Variants in SEMA3D observed in about 807,000 individuals in gnomAD.
SEMA3D encodes semaphorin-3D.
A neutral mutation model predicts 100.1 loss-of-function variants in SEMA3D; 84 were observed. The observed-to-expected ratio is 0.84, with a 90% CI of 0.70 to 1.01. The LOEUF is 1.01. Ranked by LOEUF, SEMA3D falls within the 50% of genes least tolerant of loss-of-function variation. The pLI is 0.00. For missense variants in SEMA3D, 875 were observed against 934.1 expected (o/e 0.94, Z 0.82); for synonymous variants, 312 against 320.7 (o/e 0.97, Z 0.29).
chr7:85,123,523 C>A (rs533840252), intron 2 of SEMA3D, among the ~76,000 whole-genome samples: 3 of 152,154 alleles, frequency 2.0e-5, no homozygotes, highest in East Asian at 1.9e-4. Flanking sequence ...CTTTGAATAT[C>A]AAGATTTCAG....
At chr7:85,237,754 A>G in the SEMA3D span, among the ~76,000 whole-genome samples, 1 of 152,226 alleles carries the variant, frequency 6.6e-6, no homozygotes, top group South Asian at 2.1e-4. Context: ...ACATCCATGT[A>G]ATAGCTTTTG....
chr7:85,229,270 TATC>T, the SEMA3D span, among the ~76,000 whole-genome samples: 11 of 152,048 alleles, frequency 7.2e-5, no homozygotes, highest in Non-Finnish European at 1.3e-4. Flanking sequence ...TAGATTCTGA[TATC>T]ATCTCGCTCA....
intron 12 of SEMA3D, among the ~76,000 whole-genome samples, chr7:85,034,107 T>G (rs1216604494): frequency 1.3e-5 from 2 of 152,094 alleles, no homozygotes; most frequent in Non-Finnish European, 2.9e-5. Context: ...TGTCGGTGCC[T>G]GACATTCCTC....
chr7:85,027,847 T>C (rs1639440481), intron 12 of SEMA3D: 8 of 536,906 alleles, frequency 1.5e-5, no homozygotes, highest in South Asian at 9.2e-5. Context: ...TGACCTGCAA[T>C]TGGTATTGAT....
intron 9 of SEMA3D, 68 bp downstream of exon 9, chr7:85,055,649 T>TATATAC: frequency 3.8e-5 from 1 of 26,130 alleles, no homozygotes; most frequent in East Asian, 1.1e-3. Flanking sequence ...CATATACATA[T>TATATAC]ATATATATAT....
intron 1 of SEMA3D, among the ~76,000 whole-genome samples, chr7:85,154,916 G>A (rs1790543052): frequency 6.6e-6 from 1 of 152,100 alleles, no homozygotes; most frequent in South Asian, 2.1e-4. Flanking sequence ...ATTTTTAAAG[G>A]TATTCATTTA....
intron 7 of SEMA3D, among the ~76,000 whole-genome samples, chr7:85,066,872 C>T (rs1791635348): frequency 7.6e-6 from 1 of 130,876 alleles, no homozygotes; most frequent in Non-Finnish European, 1.6e-5. Flanking sequence ...GAATAGCTAA[C>T]TTCTAAAGGA....
Position 85,015,215 on chromosome 7 carries a change from T to C in SEMA3D, c.1547A>G (p.Gln516Arg). ...ATCTCGGGAACCAATGTACAATTGTTGCTGCAAATCGGGCAAAACAAATGA... is the reference window on the plus strand; with the variant it reads ...ATCTCGGGAACCAATGTACAATTGTCGCTGCAAATCGGGCAAAACAAATGA... ...ILNMELSLKQ[Q>R]QLYIGSRDGL... is the part of the protein sequence containing the mutation. Residue 516 changes from glutamine (Q) to arginine (R), a missense_variant and splice_region_variant, in exon 16 of 19, where the codon CAA becomes CGA. By Grantham distance (43) the Gln-to-Arg change is conservative. Coordinates refer to ENST00000284136, the MANE Select transcript of SEMA3D (RefSeq NM_001384900.1). The C allele has an allele frequency of 6.2e-7, 1 of 1,605,568 alleles. No individual in the cohort carries two copies.
rs1789808918 is a variant in SEMA3D, at chr7:85,006,790, A to T, written c.1908+12T>A. On this transcript the variant is annotated intron_variant, in intron 18 of 18. Transcript: ENST00000284136. ...CCCTCAAAGTGAGTATTCTTTGATG[A>T]CAACAGCTTACCTCCTCTCGATGCT... is the stretch of plus-strand genomic sequence containing the variant. 1.3e-6 allele frequency: 2 copies of T among 1,568,814 alleles called. No individual in the cohort carries two copies. Among genetic ancestry groups the T allele is most frequent in the South Asian group, 2.4e-5 (2 of 84,746 alleles).
chr7:85,158,593 C>T (rs1790661341), intron 1 of SEMA3D, among the ~76,000 whole-genome samples: 1 of 152,182 alleles, frequency 6.6e-6, no homozygotes, highest in Non-Finnish European at 1.5e-5. Context: ...TGATCTCACC[C>T]TGACTCTGTT....
At chr7:85,132,468 C>G (rs184930096) in intron 2 of SEMA3D, among the ~76,000 whole-genome samples, 5 of 151,844 alleles carry the variant, frequency 3.3e-5, no homozygotes, top group Non-Finnish European at 5.9e-5. Flanking sequence ...ATATTTGTAG[C>G]ATACCAAGAG....
chr7:85,103,842 A>AATATGC lies in SEMA3D; in HGVS notation c.152-5878_152-5877insGCATAT, dbSNP rs1788821906. Among the ~76,000 whole-genome samples the AATATGC allele has an allele frequency of 4.6e-5, 7 of 152,108 alleles. No homozygotes were observed. In the South Asian group the frequency reaches 1.5e-3, roughly 32 times the overall value. Reference sequence around the variant, plus strand: ...AAATATAGAAATCATTGCATATTACAAATTTTGATGGATGGATGACACAGA... The same window carrying AATATGC: ...AAATATAGAAATCATTGCATATTACAATATGCAATTTTGATGGATGGATGACACAGA... On this transcript the variant is annotated intron_variant, in intron 3 of 18. Coordinates refer to ENST00000284136, the MANE Select transcript of SEMA3D (RefSeq NM_001384900.1).
the SEMA3D span, among the ~76,000 whole-genome samples, chr7:85,197,473 A>G: frequency 0.66 from 97,135 of 147,250 alleles, 32,467 homozygotes; most frequent in East Asian, 0.9. Context: ...CACCACCCCC[A>G]CCACCCCTGC....
chr7:85,092,866 G>C (rs1362467110), intron 4 of SEMA3D, among the ~76,000 whole-genome samples: 1 of 151,976 alleles, frequency 6.6e-6, no homozygotes, highest in Non-Finnish European at 1.5e-5. Flanking sequence ...AACTTTTGCA[G>C]AGGCAAATAA....
intron 9 of SEMA3D, among the ~76,000 whole-genome samples, chr7:85,050,137 A>G (rs939361029): frequency 2.0e-5 from 3 of 151,098 alleles, no homozygotes; most frequent in African/African-American, 7.3e-5. Flanking sequence ...AGAGTAATAA[A>G]CATCAGACAG....
chr7:85,176,064 A>C (rs939690248), intron 1 of SEMA3D, among the ~76,000 whole-genome samples: 1 of 151,264 alleles, frequency 6.6e-6, no homozygotes, highest in African/African-American at 2.4e-5. Context: ...TATTGATAGA[A>C]GTTTAAAAAA....
the SEMA3D span, among the ~76,000 whole-genome samples, chr7:85,198,519 G>C: frequency 6.6e-6 from 1 of 151,858 alleles, no homozygotes; most frequent in African/African-American, 2.4e-5. Flanking sequence ...TTCTGTAGAA[G>C]TATAACCTTC....
Position 85,057,638 on chromosome 7 carries a change from A to G in SEMA3D, c.719-1779T>C, listed in dbSNP as rs1282476401. ...TTCACAGTAGCCTTCTTTAATAGAC[A>G]AGTTAATGTTGGGGCTGGGTGTGGT... On this transcript the variant is annotated intron_variant, in intron 8 of 18. Coordinates refer to ENST00000284136, the MANE Select transcript of SEMA3D (RefSeq NM_001384900.1). Among the ~76,000 whole-genome samples, 4 of 152,128 alleles carry G rather than the reference A, an allele frequency of 2.6e-5. No homozygotes were observed. The East Asian group carries it at 7.7e-4, about 29-fold the overall frequency.
intron 1 of SEMA3D, among the ~76,000 whole-genome samples, chr7:85,166,337 A>G (rs993017397): frequency 1.3e-5 from 2 of 152,076 alleles, no homozygotes; most frequent in East Asian, 3.9e-4. Flanking sequence ...GAAGAAAAAT[A>G]TGAGTTAGAA....
Sources: gnomAD v4.1 joint callset for allele counts (sites outside exome capture counted in the v4.1 genomes callset) on GRCh38, gnomAD v4.1.1 for gene constraint, MANE v1.5 for transcripts, NCBI Gene and HGNC (gene_info 2026-07-23, HGNC 2026-07-21) for gene names.